The following TAF2 variants were observed in gnomAD, a reference collection of about 807,000 sequenced individuals.
TAF2 encodes the protein transcription initiation factor TFIID subunit 2.
TAF2 carries 61 observed loss-of-function variants against 138.5 expected under a neutral mutation model. That is an observed-to-expected ratio of 0.44 (90% CI 0.36 to 0.54). The LOEUF (loss-of-function observed/expected upper bound fraction) is 0.54, where lower values mean the gene tolerates loss of function less well. TAF2 is among the 20% of genes least tolerant of loss of function. The pLI, the probability that TAF2 is intolerant of heterozygous loss-of-function variation, is 0.00. For synonymous variants in TAF2, 475 were observed against 469.9 expected (o/e 1.01, Z -0.14); for missense variants, 1,090 against 1,427.9 (o/e 0.76, Z 3.81).
intron 2 of TAF2, 84 bp from the exon 3 acceptor site, chr8:119,819,590 ATAT>A (rs1825694670): frequency 8.8e-7 from 1 of 1,130,636 alleles, no homozygotes; most frequent in African/African-American, 1.5e-5. Context: ...ACTTGTACAC[ATAT>A]TATACTACAG....
intron 23 of TAF2, chr8:119,744,802 C>A: frequency 2.4e-6 from 1 of 417,602 alleles, no homozygotes; most frequent in South Asian, 1.8e-5. Context: ...TAAGGAAAAA[C>A]CACTGCAAGT....
chr8:119,784,975 T>C (rs1315822641), intron 15 of TAF2, among the ~76,000 whole-genome samples: 1 of 152,170 alleles, frequency 6.6e-6, no homozygotes, highest in Admixed American at 6.5e-5. Flanking sequence ...CCCTCAACCA[T>C]AATGCATTTC....
intron 2 of TAF2, among the ~76,000 whole-genome samples, chr8:119,830,932 C>G (rs2131278298): frequency 6.6e-6 from 1 of 152,254 alleles, no homozygotes; most frequent in East Asian, 1.9e-4. Flanking sequence ...ATGGAGAAAA[C>G]TCTGACTCCA....
intron 2 of TAF2, among the ~76,000 whole-genome samples, chr8:119,829,004 C>T (rs1023688747): frequency 6.6e-5 from 10 of 152,286 alleles, no homozygotes; most frequent in South Asian, 6.2e-4. Flanking sequence ...TCAGCCATTA[C>T]CAACTCTTTC....
intron 3 of TAF2, among the ~76,000 whole-genome samples, chr8:119,816,039 G>GCA (rs1403874853): frequency 2.0e-5 from 3 of 149,872 alleles, no homozygotes; most frequent in Non-Finnish European, 4.4e-5. Context: ...ACCACTGTAA[G>GCA]CACACTCTTT....
At chr8:119,772,833 AG>A in intron 18 of TAF2, among the ~76,000 whole-genome samples, 1 of 151,734 alleles carries the variant, frequency 6.6e-6, no homozygotes, top group South Asian at 2.1e-4. Context: ...ATTACTCAGG[AG>A]GCTGAGGCAG....
chr8:119,793,164 A>G (rs1362156168), intron 10 of TAF2, among the ~76,000 whole-genome samples: 1 of 152,148 alleles, frequency 6.6e-6, no homozygotes, highest in East Asian at 1.9e-4. Flanking sequence ...AATCAATCTG[A>G]TATTTTAAAA....
intron 3 of TAF2, among the ~76,000 whole-genome samples, chr8:119,815,080 G>A (rs1317337079): frequency 6.6e-6 from 1 of 150,830 alleles, no homozygotes; most frequent in Non-Finnish European, 1.5e-5. Flanking sequence ...TCATGAGTTC[G>A]AGACTAACCT....
chr8:119,818,733 CACACACACACACACACACACA>C (rs1825641044), intron 3 of TAF2, among the ~76,000 whole-genome samples: 4 of 83,590 alleles, frequency 4.8e-5, no homozygotes, highest in African/African-American at 1.2e-4. Flanking sequence ...AAATGAAGTC[CACACACACACACACACACACA>C]CACACACACA....
At chr8:119,829,676 T>C (rs756480333) in intron 2 of TAF2, among the ~76,000 whole-genome samples, 1 of 151,994 alleles carries the variant, frequency 6.6e-6, no homozygotes, top group Non-Finnish European at 1.5e-5. Flanking sequence ...ACAACCCCTT[T>C]ATAGCAGTCT....
At chr8:119,783,246 T>C in intron 16 of TAF2, 135 bp downstream of exon 16, 1 of 1,028,202 alleles carries the variant, frequency 9.7e-7, no homozygotes, top group African/African-American at 1.6e-5. Context: ...CCTATTAATT[T>C]AAAAGCACTT....
chr8:119,759,365 A>T (rs890156838), intron 20 of TAF2, among the ~76,000 whole-genome samples: 92 of 152,222 alleles, frequency 6.0e-4, no homozygotes, highest in African/African-American at 2.1e-3. Flanking sequence ...ACCAAAAATT[A>T]CAAAGATGTA....
intron 25 of TAF2, among the ~76,000 whole-genome samples, chr8:119,733,197 G>A (rs1206166866): frequency 2.6e-5 from 4 of 152,106 alleles, no homozygotes; most frequent in African/African-American, 7.2e-5. Context: ...CCATAAACAT[G>A]CTATTCTAGC....
intron 18 of TAF2, among the ~76,000 whole-genome samples, chr8:119,768,480 C>G (rs1255753711): frequency 7.3e-6 from 1 of 137,400 alleles, no homozygotes; most frequent in Admixed American, 8.5e-5. Flanking sequence ...ATTTTTTCCT[C>G]TTGGTATTGA....
chr8:119,804,941 A>G (rs554523518), intron 4 of TAF2, among the ~76,000 whole-genome samples: 4 of 152,310 alleles, frequency 2.6e-5, no homozygotes, highest in Admixed American at 2.0e-4. Flanking sequence ...TCCAAGAATT[A>G]CAATCATATG....
In TAF2 at chr8:119,746,774, T is replaced by C. The variant is rs201279786; in HGVS notation, c.3039A>G (p.Ser1013=). Residue 1013 remains serine (S), a synonymous_variant, in exon 23 of 26, where the codon TCA becomes TCG. Transcript: ENST00000378164. ...TTGCAGCTTCTTGGTTGCCTGCTAC[T>C]GACTCTGGAATTATGGTAGGATTCA... ...AVLNPTIIPE[S]VAGNQEAANN... 11 of 1,614,068 alleles carry C rather than the reference T, an allele frequency of 6.8e-6. No homozygotes were observed. The highest frequency in any genetic ancestry group is 7.6e-6 in the Non-Finnish European group (9 of 1,180,032).
chr8:119,739,294 T>G (rs1819441038), intron 25 of TAF2, among the ~76,000 whole-genome samples: 1 of 152,158 alleles, frequency 6.6e-6, no homozygotes. Context: ...GAGAGAATAT[T>G]GTATGTTCAT....
chr8:119,806,669 T>C (rs1251036622), intron 3 of TAF2, among the ~76,000 whole-genome samples: 2 of 152,052 alleles, frequency 1.3e-5, no homozygotes, highest in Non-Finnish European at 2.9e-5. Context: ...TGTTTCACCA[T>C]GTTGGTCAGG....
At position 119,832,805 on chromosome 8, in the gene TAF2, G is replaced by C. The variant is rs960936852; in HGVS notation, c.-241C>G. ...GAGATGCTCCTCTCCGCAAGGGCTC[G>C]AAGCTACCATCCGCCGACATCTTGT... is the stretch of plus-strand genomic sequence containing the variant. On this transcript the variant is annotated 5_prime_UTR_variant, in exon 1 of 26. Coordinates refer to ENST00000378164, the MANE Select transcript of TAF2 (RefSeq NM_003184.4). 6.4e-6 allele frequency: 3 copies of C among 468,728 alleles called. No homozygotes were observed. The highest frequency in any genetic ancestry group is 7.6e-6 in the Non-Finnish European group (2 of 263,598). The allele number at this position is 468,728 out of a possible 1,614,324, so 29.0% of individuals were successfully genotyped here.
Sources: gnomAD v4.1 joint callset for allele counts (sites outside exome capture counted in the v4.1 genomes callset) on GRCh38, gnomAD v4.1.1 for gene constraint, MANE v1.5 for transcripts, NCBI Gene and HGNC (gene_info 2026-07-23, HGNC 2026-07-21) for gene names.